The following NLGN1 variants were observed in gnomAD, a reference collection of about 807,000 sequenced individuals.
NLGN1 encodes neuroligin-1.
In NLGN1, 12 loss-of-function variants were observed where a neutral mutation model predicts 65.5. The observed-to-expected ratio is 0.18, with a 90% CI of 0.12 to 0.30. NLGN1 has a LOEUF of 0.30. Among genes scored for constraint, NLGN1 ranks in the 10% least tolerant of loss-of-function variants. The pLI is 1.00. For synonymous variants in NLGN1, 350 were observed against 359.5 expected (o/e 0.97, Z 0.30); for missense variants, 750 against 1,007.1 (o/e 0.74, Z 3.46).
At position 173,894,633 on chromosome 3, in the gene NLGN1, CTTT is replaced by C. The variant is rs3979634; in HGVS notation, c.646+86814_646+86816del. Among the ~76,000 whole-genome samples the C allele has an allele frequency of 7.1e-3, 950 of 134,144 alleles. 10 individuals are homozygous for C. The highest frequency in any genetic ancestry group is 0.026 in the East Asian group (121 of 4,670). The allele number at this position is 134,144 out of a possible 152,430, so 88.0% of individuals were successfully genotyped here. A position where few individuals can be genotyped will look rare whatever the true frequency, so the allele number is the denominator to read the frequency against. ...AATTTCTTTTCTTTTTTTTCTTTTTCTTTTTTTTTTTTTTTGAGATAGAGATTT... is the reference window on the plus strand; with the variant it reads ...AATTTCTTTTCTTTTTTTTCTTTTTCTTTTTTTTTTTTGAGATAGAGATTT... On this transcript the variant is annotated intron_variant, in intron 4 of 6. Coordinates refer to ENST00000457714, the Ensembl canonical transcript of NLGN1.
chr3:173,747,795 C>CTTTTTTTTTT (rs1560289220), intron 3 of NLGN1, among the ~76,000 whole-genome samples: 3 of 78,576 alleles, frequency 3.8e-5, no homozygotes, highest in African/African-American at 1.9e-4. Flanking sequence ...TCTTCTTCTT[C>CTTTTTTTTTT]TTGTTCTTTT....
intron 4 of NLGN1, among the ~76,000 whole-genome samples, chr3:173,890,869 GA>G (rs1400656749): frequency 1.3e-5 from 2 of 152,070 alleles, no homozygotes; most frequent in African/African-American, 2.4e-5. Context: ...GCTACAAATT[GA>G]AAAAGAATTG....
At chr3:173,471,283 C>T (rs190554639) in intron 2 of NLGN1, among the ~76,000 whole-genome samples, 102 of 152,098 alleles carry the variant, frequency 6.7e-4, no homozygotes, top group African/African-American at 2.3e-3. Context: ...TTTTGTTTCA[C>T]AGTTCTGGAG....
chr3:174,205,627 T>G (rs1735253759), intron 4 of NLGN1, among the ~76,000 whole-genome samples: 5 of 152,178 alleles, frequency 3.3e-5, no homozygotes, highest in Admixed American at 3.3e-4. Flanking sequence ...AAGTTATGCT[T>G]TACAATAGCA....
At chr3:173,742,035 A>G (rs6766702) in intron 3 of NLGN1, among the ~76,000 whole-genome samples, 1 of 152,020 alleles carries the variant, frequency 6.6e-6, no homozygotes, top group Non-Finnish European at 1.5e-5. Flanking sequence ...AGTTGCAGAA[A>G]TGTCAGTTCA....
chr3:173,924,640 T>TA (rs1560643660), intron 4 of NLGN1, among the ~76,000 whole-genome samples: 8 of 151,094 alleles, frequency 5.3e-5, no homozygotes, highest in African/African-American at 1.7e-4. Flanking sequence ...AAAATAAAAA[T>TA]AAAAATAAAA....
At chr3:173,722,756 C>T (rs1771070148) in intron 3 of NLGN1, among the ~76,000 whole-genome samples, 1 of 152,102 alleles carries the variant, frequency 6.6e-6, no homozygotes, top group South Asian at 2.1e-4. Context: ...ATATTACCAT[C>T]ATTAATGATA....
chr3:173,932,272 A>G (rs1165225755), intron 4 of NLGN1, among the ~76,000 whole-genome samples: 11 of 152,076 alleles, frequency 7.2e-5, no homozygotes, highest in Admixed American at 6.6e-4. Flanking sequence ...GTCTTGTGTC[A>G]TTGTGGCAAT....
rs990850666 is a variant in NLGN1, at chr3:174,138,528, A to G, written c.647-136787A>G. 1.0e-4 allele frequency among the ~76,000 whole-genome samples: 15 copies of G among 146,898 alleles called. No individual in the cohort carries two copies. The South Asian group carries it at 1.3e-3, about 13-fold the overall frequency. On this transcript the variant is annotated intron_variant, in intron 4 of 6. Coordinates refer to ENST00000457714, the Ensembl canonical transcript of NLGN1. ...CTGCACACTACAAGCTCCGCCTCCC[A>G]GGTTCACGCCATTCTCCTGCCTCAG...
intron 4 of NLGN1, among the ~76,000 whole-genome samples, chr3:173,938,344 C>T (rs1745403310): frequency 6.6e-6 from 1 of 152,028 alleles, no homozygotes; most frequent in Non-Finnish European, 1.5e-5. Flanking sequence ...CATGACTCAG[C>T]ATGTTTATTT....
chr3:173,907,507 AG>A (rs1219419876), intron 4 of NLGN1, among the ~76,000 whole-genome samples: 3 of 151,368 alleles, frequency 2.0e-5, no homozygotes, highest in African/African-American at 7.3e-5. Context: ...TATCACATGT[AG>A]AGAGTTGTTA....
At chr3:173,748,512 T>C (rs1472033031) in intron 3 of NLGN1, among the ~76,000 whole-genome samples, 1 of 152,102 alleles carries the variant, frequency 6.6e-6, no homozygotes, top group African/African-American at 2.4e-5. Context: ...TGTATAAACA[T>C]ACATTGTTTG....
chr3:173,502,562 T>C (rs1442796684), intron 2 of NLGN1, among the ~76,000 whole-genome samples: 1 of 152,156 alleles, frequency 6.6e-6, no homozygotes, highest in Admixed American at 6.6e-5. Context: ...CAAGTTCACT[T>C]ATGTGTGTGC....
At chr3:174,276,379 T>C (rs1277029686) in intron 5 of NLGN1, among the ~76,000 whole-genome samples, 1 of 151,932 alleles carries the variant, frequency 6.6e-6, no homozygotes, top group Non-Finnish European at 1.5e-5. Flanking sequence ...AGAGTATTGT[T>C]GGAGAAATTT....
At chr3:174,124,798 G>A (rs1184693317) in intron 4 of NLGN1, among the ~76,000 whole-genome samples, 1 of 151,726 alleles carries the variant, frequency 6.6e-6, no homozygotes, top group South Asian at 2.1e-4. Context: ...ATGCTGGGAT[G>A]AAGAAACACA....
rs568011625 is a variant in NLGN1 at position 174,018,930 on chromosome 3, G to A, written c.646+211098G>A. 2.6e-5 allele frequency among the ~76,000 whole-genome samples: 4 copies of A among 151,916 alleles called. No individual in the cohort carries two copies. In the South Asian group the frequency reaches 6.3e-4, roughly 24 times the overall value. On this transcript the variant is annotated intron_variant, in intron 4 of 6. Transcript: ENST00000457714. ...ATAAAAATGCAAATATATTTATTTTGGAATATAAGGAAGAAAAACTGAAAA... is the reference window on the plus strand; with the variant it reads ...ATAAAAATGCAAATATATTTATTTTAGAATATAAGGAAGAAAAACTGAAAA...
chr3:174,119,718 G>T (rs559346932), intron 4 of NLGN1, among the ~76,000 whole-genome samples: 5 of 152,258 alleles, frequency 3.3e-5, no homozygotes, highest in Non-Finnish European at 5.9e-5. Flanking sequence ...ATTTGCCTGG[G>T]ACCCATCACT....
chr3:174,189,780 C>T (rs1732052078), intron 4 of NLGN1, among the ~76,000 whole-genome samples: 2 of 151,870 alleles, frequency 1.3e-5, no homozygotes, highest in Non-Finnish European at 1.5e-5. Context: ...GGAGACAGTT[C>T]ATTAAAATTC....
chr3:173,516,754 T>G (rs1733881371), intron 2 of NLGN1, among the ~76,000 whole-genome samples: 2 of 152,038 alleles, frequency 1.3e-5, no homozygotes, highest in Non-Finnish European at 2.9e-5. Context: ...CTATCAGACA[T>G]ATTGCTTCCC....
Sources: gnomAD v4.1 joint callset for allele counts (sites outside exome capture counted in the v4.1 genomes callset) on GRCh38, gnomAD v4.1.1 for gene constraint, MANE v1.5 for transcripts, NCBI Gene and HGNC (gene_info 2026-07-23, HGNC 2026-07-21) for gene names.